The following VPS13C variants were observed in gnomAD, a reference collection of about 807,000 sequenced individuals.
VPS13C encodes intermembrane lipid transfer protein VPS13C.
In VPS13C, 358 loss-of-function variants were observed where a neutral mutation model predicts 456.8. The ratio of observed to expected loss-of-function variants is 0.78; its 90% CI spans 0.72 to 0.86. VPS13C has a LOEUF of 0.86. Among genes scored for constraint, VPS13C ranks in the 40% least tolerant of loss-of-function variants. The pLI is 0.00. For missense variants in VPS13C, 4,818 were observed against 4,385.4 expected (o/e 1.10, Z -2.79); for synonymous variants, 1,578 against 1,486.7 (o/e 1.06, Z -1.41).
At position 61,927,327 on chromosome 15, in the gene VPS13C, A is replaced by G; in HGVS notation, c.6287-7T>C. 1 of 1,609,142 alleles carries G rather than the reference A, an allele frequency of 6.2e-7. No homozygotes were observed. Reference sequence around the variant, plus strand: ...TTTGGTCTAACAGAGTCATCTGAAGAAACAAGCAACAGGAACCAGAAAAGT... The same window carrying G: ...TTTGGTCTAACAGAGTCATCTGAAGGAACAAGCAACAGGAACCAGAAAAGT... On this transcript the variant is annotated splice_polypyrimidine_tract_variant and splice_region_variant and intron_variant, in intron 51 of 84. Transcript: ENST00000644861.
chr15:61,875,798 T>A lies in VPS13C; in HGVS notation c.10272A>T (p.Gly3424=). ...YVLVLGLDVL[G]NPFGLIRGLS... ...GACCTCTAATTAATCCAAATGGGTTTCCAAGTACATCTAACCCCAATACAA... is the reference window on the plus strand; with the variant it reads ...GACCTCTAATTAATCCAAATGGGTTACCAAGTACATCTAACCCCAATACAA... The change falls in exon 76 of 85, where the codon GGA becomes GGT. Residue 3424 remains glycine (G), a synonymous_variant. Coordinates refer to ENST00000644861, the MANE Select transcript of VPS13C (RefSeq NM_020821.3). 3 of 1,607,918 alleles carry A rather than the reference T, an allele frequency of 1.9e-6. No individual in the cohort carries two copies. The highest frequency in any genetic ancestry group is 2.5e-6 in the Non-Finnish European group (3 of 1,177,952).
At chr15:62,005,576 A>C (rs1333188413) in intron 15 of VPS13C, among the ~76,000 whole-genome samples, 4 of 146,464 alleles carry the variant, frequency 2.7e-5, no homozygotes. Context: ...TTAGCTGGTG[A>C]TTTTGCTCGT....
At chr15:62,037,443 TAAATAA>T (rs1405295581) in intron 3 of VPS13C, among the ~76,000 whole-genome samples, 4 of 55,622 alleles carry the variant, frequency 7.2e-5, no homozygotes, top group African/African-American at 1.4e-4. Context: ...TAATATATAT[TAAATAA>T]ATATATAAAT....
intron 2 of VPS13C, among the ~76,000 whole-genome samples, chr15:62,043,338 C>A (rs2048300868): frequency 6.6e-6 from 1 of 152,188 alleles, no homozygotes; most frequent in African/African-American, 2.4e-5. Flanking sequence ...GGCGCAGTGG[C>A]TCCATGCCTG....
chr15:61,932,411 A>G (rs1371677895), intron 49 of VPS13C, among the ~76,000 whole-genome samples: 1 of 152,186 alleles, frequency 6.6e-6, no homozygotes, highest in Non-Finnish European at 1.5e-5. Flanking sequence ...CAGAGGCCTA[A>G]TCGAAGTCTC....
At chr15:61,979,028 C>T (rs2045794547) in intron 22 of VPS13C, among the ~76,000 whole-genome samples, 1 of 152,178 alleles carries the variant, frequency 6.6e-6, no homozygotes, top group Non-Finnish European at 1.5e-5. Flanking sequence ...ACAACTCCTC[C>T]TCTTCCTGGC....
intron 6 of VPS13C, among the ~76,000 whole-genome samples, chr15:62,025,103 A>G (rs951013164): frequency 3.3e-5 from 5 of 152,096 alleles, no homozygotes; most frequent in Non-Finnish European, 7.4e-5. Flanking sequence ...ATAATCCTAC[A>G]CCTGGGCACA....
intron 1 of VPS13C, among the ~76,000 whole-genome samples, chr15:62,051,840 A>T (rs538446775): frequency 6.6e-6 from 1 of 152,340 alleles, no homozygotes; most frequent in South Asian, 2.1e-4. Flanking sequence ...TGGTATTACA[A>T]AATGGTCATT....
At chr15:61,931,876 C>T (rs1447310204) in intron 49 of VPS13C, among the ~76,000 whole-genome samples, 1 of 151,874 alleles carries the variant, frequency 6.6e-6, no homozygotes, top group African/African-American at 2.4e-5. Context: ...CACTGCGCCC[C>T]GCCTCTAATA....
chr15:61,971,238 C>A (rs1244660605), intron 27 of VPS13C, among the ~76,000 whole-genome samples: 1 of 152,078 alleles, frequency 6.6e-6, no homozygotes, highest in Non-Finnish European at 1.5e-5. Context: ...GTAACATGAT[C>A]TGACATTCCC....
intron 3 of VPS13C, 24 bp from the exon 4 acceptor site, chr15:62,035,076 T>G (rs1435007253): frequency 2.0e-6 from 3 of 1,531,804 alleles, no homozygotes; most frequent in African/African-American, 2.7e-5. Context: ...ATTTCAACCT[T>G]AAATTATTAT....
Position 61,962,373 on chromosome 15 carries a change from G to A in VPS13C, c.3601C>T (p.Leu1201=), listed in dbSNP as rs1320899409. The change falls in exon 34 of 85, where the codon CTG becomes TTG. Residue 1201 remains leucine, a splice_region_variant and synonymous_variant. Transcript: ENST00000644861. The part of the protein sequence containing the change: ...VYLHKFLMSL[L]NFLNNFQTAK... Reference sequence around the variant, plus strand: ...CAATATACAAATAATTATTTTACCAGAAGTGACATAAGGAATTTATGAAGA... The same window carrying A: ...CAATATACAAATAATTATTTTACCAAAAGTGACATAAGGAATTTATGAAGA... 21 of 1,577,636 alleles carry A rather than the reference G, an allele frequency of 1.3e-5. No individual in the cohort carries two copies. The highest frequency in any genetic ancestry group is 1.8e-5 in the Non-Finnish European group (21 of 1,163,058).
At chr15:62,015,977 A>C (rs2047231889) in intron 9 of VPS13C, among the ~76,000 whole-genome samples, 1 of 147,882 alleles carries the variant, frequency 6.8e-6, no homozygotes, top group African/African-American at 2.5e-5. Context: ...AAAAAAAAAA[A>C]AAAAAAACTA....
intron 36 of VPS13C, 80 bp downstream of exon 36, chr15:61,959,368 C>A: frequency 1.5e-6 from 2 of 1,306,094 alleles, no homozygotes; most frequent in Non-Finnish European, 2.1e-6. Context: ...AAAGAGTCTA[C>A]ATTTCATTTG....
At chr15:62,020,773 T>C (rs2047433803) in intron 8 of VPS13C, among the ~76,000 whole-genome samples, 1 of 151,970 alleles carries the variant, frequency 6.6e-6, no homozygotes, top group Non-Finnish European at 1.5e-5. Context: ...CTTTTCATAC[T>C]AGAAGATGAC....
At chr15:62,015,365 C>G (rs1324402755) in intron 9 of VPS13C, among the ~76,000 whole-genome samples, 1 of 152,026 alleles carries the variant, frequency 6.6e-6, no homozygotes, top group Non-Finnish European at 1.5e-5. Flanking sequence ...TTAATTAGAT[C>G]CCATTTGTCA....
rs1403925947 is a variant in VPS13C, at chr15:61,919,318, T to C, written c.7609A>G (p.Lys2537Glu). The change falls in exon 58 of 85, where the codon AAA (lysine) becomes GAA (glutamate). Residue 2537 changes from lysine to glutamate, a missense_variant. Coordinates refer to ENST00000644861, the MANE Select transcript of VPS13C (RefSeq NM_020821.3). ...LVQIDATEGN[K>E]VITLRSPLQI... ...AGAGGAGAGCGAAGGGTAATTACTTTATTCCCTTCAGTTGCATCAATTTGT... is the reference window on the plus strand; with the variant it reads ...AGAGGAGAGCGAAGGGTAATTACTTCATTCCCTTCAGTTGCATCAATTTGT... The C allele has an allele frequency of 6.2e-7, 1 of 1,607,356 alleles. No homozygotes were observed. The highest frequency in any genetic ancestry group is 1.7e-5 in the Admixed American group (1 of 58,860).
Position 61,951,001 on chromosome 15 carries a change from T to C in VPS13C, c.4480A>G (p.Ile1494Val), listed in dbSNP as rs748225614. The stretch of plus-strand genomic sequence containing the variant: ...TCAGTCACATTAGAAGAGTTAATAA[T>C]GTGAAGAGGTTCCCCTTTAGAGTCT... ...FTDSKGEPLH[I>V]INSSNVTDEP... is the part of the protein sequence containing the mutation. Residue 1494 changes from isoleucine to valine, a missense_variant, in exon 40 of 85, where the codon ATT becomes GTT. Around this residue, in one of 3 missense-constraint regions of VPS13C, gnomAD observed 4,552 missense variants for 4,130.6 expected, o/e 1.10. Transcript: ENST00000644861. 18 of 1,601,846 alleles carry C rather than the reference T, an allele frequency of 1.1e-5. No homozygotes were observed. Among genetic ancestry groups the C allele is most frequent in the African/African-American group, 2.7e-5 (2 of 74,468 alleles).
At chr15:62,042,028 AAAG>A (rs2048258636) in intron 2 of VPS13C, among the ~76,000 whole-genome samples, 6 of 152,160 alleles carry the variant, frequency 3.9e-5, no homozygotes. Context: ...AGAACAGAAA[AAAG>A]AAGAGTCTTT....
Sources: gnomAD v4.1 joint callset for allele counts (sites outside exome capture counted in the v4.1 genomes callset) on GRCh38, gnomAD v4.1.1 for gene constraint, gnomAD v4.1.1 regional missense constraint, MANE v1.5 for transcripts, NCBI Gene and HGNC (gene_info 2026-07-23, HGNC 2026-07-21) for gene names.